IKZF2: variants seen among roughly 807,000 people sequenced by gnomAD.
IKZF2 encodes the protein zinc finger protein Helios.
IKZF2 carries 15 observed loss-of-function variants against 49.2 expected under a neutral mutation model. That is an observed-to-expected ratio of 0.30 (90% confidence interval 0.20 to 0.47). The LOEUF (loss-of-function observed/expected upper bound fraction) is 0.47, where lower values mean the gene tolerates loss of function less well. IKZF2 is among the 20% of genes least tolerant of loss of function. The probability of loss-of-function intolerance (pLI) is 1.00; values close to 1 mark genes in which losing one functional copy is unlikely to be tolerated. For synonymous variants in IKZF2, 227 were observed against 221.4 expected, an observed-to-expected ratio of 1.03 and a Z score of -0.23; for missense variants, 567 against 664.6, an observed-to-expected ratio of 0.85 and a Z score of 1.61.
chr2:213,123,688 T>C (rs1480856867), intron 4 of IKZF2, among the ~76,000 whole-genome samples: 1 of 152,136 alleles, frequency 6.6e-6, no homozygotes, highest in African/African-American at 2.4e-5. Flanking sequence ...CAGGGTTTGG[T>C]TTGGTTTGGT....
intron 4 of IKZF2, among the ~76,000 whole-genome samples, chr2:213,063,655 A>AGG (rs1322115812): frequency 6.6e-6 from 1 of 152,050 alleles, no homozygotes; most frequent in Non-Finnish European, 1.5e-5. Flanking sequence ...ACTGCATTGT[A>AGG]GGAAGGGTAG....
At chr2:213,132,891 T>A (rs2060518819) in intron 4 of IKZF2, among the ~76,000 whole-genome samples, 1 of 152,238 alleles carries the variant, frequency 6.6e-6, no homozygotes, top group Admixed American at 6.5e-5. Context: ...TTGATTTGAA[T>A]ACAACAGAAT....
chr2:213,010,968 T>G (rs1206694319), intron 8 of IKZF2, among the ~76,000 whole-genome samples: 1 of 152,060 alleles, frequency 6.6e-6, no homozygotes, highest in Non-Finnish European at 1.5e-5. Context: ...CTGAACACAG[T>G]CAGAGAGAGA....
At position 213,000,698 on chromosome 2, in the gene IKZF2, C is replaced by T. The variant is rs1694828248; in HGVS notation, c.*6662G>A. The T allele has an allele frequency of 6.6e-6, 1 of 151,506 alleles. No individual in the cohort carries two copies. The highest frequency in any genetic ancestry group is 1.9e-4 in the East Asian group (1 of 5,164). 9.4% of individuals were successfully genotyped at this position (151,506 alleles called of 1,614,324 possible). On this transcript the variant is annotated 3_prime_UTR_variant, in exon 9 of 9. Transcript: ENST00000434687. ...CAAATATTTTTAAAAAAAATTTCTC[C>T]AATAGGTGATATGTAAGTGTTTAAA...
chr2:213,134,261 A>G (rs1225637749), intron 4 of IKZF2, among the ~76,000 whole-genome samples: 1 of 152,152 alleles, frequency 6.6e-6, no homozygotes, highest in Non-Finnish European at 1.5e-5. Flanking sequence ...CTTCATTGCC[A>G]TCTCCCAAGA....
At chr2:213,013,996 G>A (rs770344880) in intron 7 of IKZF2, 62 bp from the exon 8 acceptor site, 5 of 1,487,152 alleles carry the variant, frequency 3.4e-6, no homozygotes, top group Middle Eastern at 1.7e-4. Context: ...ATGATACAAA[G>A]CTGGATATGC....
intron 2 of IKZF2, among the ~76,000 whole-genome samples, chr2:213,149,401 A>G (rs1003583867): frequency 6.6e-6 from 1 of 152,146 alleles, no homozygotes; most frequent in Non-Finnish European, 1.5e-5. Context: ...ACGCCACACA[A>G]CAGAACATAA....
At chr2:213,035,271 C>T (rs746009318) in intron 6 of IKZF2, among the ~76,000 whole-genome samples, 23 of 151,492 alleles carry the variant, frequency 1.5e-4, no homozygotes, top group Non-Finnish European at 2.4e-4. Flanking sequence ...TTCCCTGTAG[C>T]AGTCAACATC....
At chr2:213,127,616 T>G (rs1362310263) in intron 4 of IKZF2, among the ~76,000 whole-genome samples, 1 of 152,200 alleles carries the variant, frequency 6.6e-6, no homozygotes, top group Non-Finnish European at 1.5e-5. Flanking sequence ...AGATAGTTCA[T>G]CCCATTCTGA....
Position 213,008,017 on chromosome 2 carries a change from C to T in IKZF2, c.924G>A (p.Glu308=), listed in dbSNP as rs1695530952. The change falls in exon 9 of 9, where the codon GAG becomes GAA. Residue 308 remains glutamate (E), a synonymous_variant. Coordinates refer to ENST00000434687, the MANE Select transcript of IKZF2 (RefSeq NM_001387220.1). ...TCATATGAGACTGCATCAGCTCAGCCTCCTTCTCATATGTTAAGTTCATAT... is the reference window on the plus strand; with the variant it reads ...TCATATGAGACTGCATCAGCTCAGCTTCCTTCTCATATGTTAAGTTCATAT... ...HFDMNLTYEK[E]AELMQSHMMD... is the part of the protein sequence containing the mutation. 1 of 1,613,102 alleles carries T rather than the reference C, an allele frequency of 6.2e-7. No homozygotes were observed. The highest frequency in any genetic ancestry group is 8.5e-7 in the Non-Finnish European group (1 of 1,179,632).
intron 4 of IKZF2, among the ~76,000 whole-genome samples, chr2:213,142,218 G>A (rs974010174): frequency 6.6e-6 from 1 of 151,862 alleles, no homozygotes; most frequent in Non-Finnish European, 1.5e-5. Flanking sequence ...CAGGAATGTT[G>A]AGCGCCACCC....
At position 213,001,064 on chromosome 2, in the gene IKZF2, C is replaced by G. The variant is rs1350715071; in HGVS notation, c.*6296G>C. The G allele has an allele frequency of 1.3e-5, 2 of 150,462 alleles. No individual in the cohort carries two copies. Among genetic ancestry groups the G allele is most frequent in the Non-Finnish European group, 3.0e-5 (2 of 67,198 alleles). 9.3% of individuals were successfully genotyped at this position (150,462 alleles called of 1,614,324 possible). ...GTCATTAGCTAAAGGAAGAATAGGT[C>G]AGAAAAGAAAAAAAAATCACCATAG... is the stretch of plus-strand genomic sequence containing the variant. On this transcript the variant is annotated 3_prime_UTR_variant, in exon 9 of 9. Transcript: ENST00000434687.
intron 4 of IKZF2, among the ~76,000 whole-genome samples, chr2:213,065,332 T>C (rs1408868395): frequency 6.6e-6 from 1 of 152,082 alleles, no homozygotes; most frequent in East Asian, 1.9e-4. Flanking sequence ...CTACACTGCC[T>C]ATAGTGTAAG....
At chr2:213,019,237 A>G (rs4673715) in intron 7 of IKZF2, among the ~76,000 whole-genome samples, 115,299 of 152,074 alleles carry the variant, frequency 0.76, 45,121 homozygotes, top group Non-Finnish European at 0.86. Context: ...TTTTAAAAAC[A>G]AGTAATAGTT....
chr2:213,090,133 G>T (rs906338532), intron 4 of IKZF2, among the ~76,000 whole-genome samples: 1 of 152,166 alleles, frequency 6.6e-6, no homozygotes, highest in African/African-American at 2.4e-5. Context: ...GGGAACTAGG[G>T]GAGAAATGTG....
intron 4 of IKZF2, among the ~76,000 whole-genome samples, chr2:213,117,758 T>C (rs1264838478): frequency 6.6e-6 from 1 of 152,234 alleles, no homozygotes; most frequent in African/African-American, 2.4e-5. Context: ...TGATTTGTGA[T>C]TTAAAATGTA....
Position 213,000,532 on chromosome 2 carries a change from T to C in IKZF2, c.*6828A>G, listed in dbSNP as rs1396207772. On this transcript the variant is annotated 3_prime_UTR_variant, in exon 9 of 9. Transcript: ENST00000434687. ...TAAAAGAAATGCCAAAGAAATGTTA[T>C]CTTTTAACAAAACATGTATTTATAT... is the stretch of plus-strand genomic sequence containing the variant. 1 of 151,840 alleles carries C rather than the reference T, an allele frequency of 6.6e-6. No individual in the cohort carries two copies. Among genetic ancestry groups the C allele is most frequent in the East Asian group, 1.9e-4 (1 of 5,168 alleles). The allele number at this position is 151,840 out of a possible 1,614,324, so 9.4% of individuals were successfully genotyped here.
intron 4 of IKZF2, among the ~76,000 whole-genome samples, chr2:213,099,933 TC>T (rs1367215431): frequency 1.3e-5 from 2 of 152,128 alleles, no homozygotes; most frequent in Non-Finnish European, 2.9e-5. Context: ...TGCTTTAGAT[TC>T]ATTAAAGAAT....
At chr2:213,115,946 T>TG (rs2059856536) in intron 4 of IKZF2, among the ~76,000 whole-genome samples, 1 of 152,178 alleles carries the variant, frequency 6.6e-6, no homozygotes, top group African/African-American at 2.4e-5. Context: ...ATCAGAGCTT[T>TG]CTTATTTTGT....
Sources: allele counts gnomAD v4.1 joint callset (sites outside exome capture counted in the v4.1 genomes callset), GRCh38; gene constraint gnomAD v4.1.1; transcripts MANE v1.5; gene names NCBI Gene and HGNC (gene_info 2026-07-23, HGNC 2026-07-21).